Variants in CACNA2D3 observed in about 807,000 individuals in gnomAD.
CACNA2D3 encodes calcium voltage-gated channel auxiliary subunit alpha2delta 3.
CACNA2D3 carries 60 observed loss-of-function variants against 160.6 expected under a neutral mutation model. That is an observed-to-expected ratio of 0.37 (90% CI 0.30 to 0.46). CACNA2D3 has a LOEUF of 0.46. Among genes scored for constraint, CACNA2D3 ranks in the 20% least tolerant of loss-of-function variants. The pLI is 1.00. For synonymous variants in CACNA2D3, 558 were observed against 492.9 expected, an observed-to-expected ratio of 1.13 and a Z score of -1.75; for missense variants, 1,205 against 1,365.0, an observed-to-expected ratio of 0.88 and a Z score of 1.85.
intron 4 of CACNA2D3, among the ~76,000 whole-genome samples, chr3:54,409,859 T>C (rs774390124): frequency 3.3e-5 from 5 of 152,192 alleles, no homozygotes; most frequent in Non-Finnish European, 5.9e-5. Context: ...AGTTGGTTCA[T>C]GAGGCTTAAG....
chr3:54,466,128 C>G (rs189045944), intron 4 of CACNA2D3, among the ~76,000 whole-genome samples: 2 of 152,272 alleles, frequency 1.3e-5, no homozygotes, highest in African/African-American at 2.4e-5. Flanking sequence ...GGGTTCACAT[C>G]TCCGTATTTT....
chr3:54,487,636 A>C (rs1340396666), intron 4 of CACNA2D3, among the ~76,000 whole-genome samples: 1 of 152,212 alleles, frequency 6.6e-6, no homozygotes, highest in Non-Finnish European at 1.5e-5. Flanking sequence ...AGGGAGCTCA[A>C]GTTTCTAATG....
intron 3 of CACNA2D3, among the ~76,000 whole-genome samples, chr3:54,355,086 G>A (rs570766537): frequency 6.6e-6 from 1 of 152,330 alleles, no homozygotes; most frequent in East Asian, 1.9e-4. Context: ...GTGTGCTTCA[G>A]AGAATGGAAA....
At chr3:54,557,029 GT>G (rs1702252733) in intron 5 of CACNA2D3, among the ~76,000 whole-genome samples, 1 of 151,748 alleles carries the variant, frequency 6.6e-6, no homozygotes, top group Admixed American at 6.6e-5. Flanking sequence ...TATTTTTTCT[GT>G]TTTTTCTTTT....
intron 13 of CACNA2D3, among the ~76,000 whole-genome samples, chr3:54,779,598 C>A (rs765513071): frequency 2.0e-5 from 3 of 152,184 alleles, no homozygotes; most frequent in Non-Finnish European, 4.4e-5. Context: ...CTCAGAACAT[C>A]AGCTGTGCTG....
At chr3:54,750,781 T>C (rs1701841454) in intron 11 of CACNA2D3, among the ~76,000 whole-genome samples, 1 of 151,586 alleles carries the variant, frequency 6.6e-6, no homozygotes, top group Non-Finnish European at 1.5e-5. Flanking sequence ...TTTGCTTTTT[T>C]TTTTTTTGAC....
intron 2 of CACNA2D3, among the ~76,000 whole-genome samples, chr3:54,219,682 G>A (rs1172348103): frequency 1.3e-5 from 2 of 151,848 alleles, no homozygotes; most frequent in South Asian, 2.1e-4. Flanking sequence ...AAGCATTTTG[G>A]GCTTATTTCC....
intron 11 of CACNA2D3, among the ~76,000 whole-genome samples, chr3:54,643,814 G>C (rs1285364160): frequency 6.6e-6 from 1 of 152,198 alleles, no homozygotes; most frequent in Non-Finnish European, 1.5e-5. Flanking sequence ...AGTGACTGAG[G>C]GTGCTAAGAG....
At chr3:54,949,002 A>C (rs1188446396) in intron 27 of CACNA2D3, among the ~76,000 whole-genome samples, 1 of 152,176 alleles carries the variant, frequency 6.6e-6, no homozygotes. Context: ...GCTCAGCTGA[A>C]ATCACCAAGT....
At chr3:54,265,600 TATATATATA>T (rs1575353933) in intron 2 of CACNA2D3, among the ~76,000 whole-genome samples, 3 of 130,774 alleles carry the variant, frequency 2.3e-5, no homozygotes, top group East Asian at 2.3e-4. Flanking sequence ...ATATAGTGTG[TATATATATA>T]GTGTGTATAT....
intron 3 of CACNA2D3, among the ~76,000 whole-genome samples, chr3:54,379,577 TTTA>T (rs1449297836): frequency 1.3e-5 from 2 of 152,218 alleles, no homozygotes; most frequent in African/African-American, 4.8e-5. Flanking sequence ...TTCGCCTTGG[TTTA>T]TTATCTGATG....
chr3:54,998,948 A>G (rs540316544), intron 31 of CACNA2D3, among the ~76,000 whole-genome samples: 36 of 152,058 alleles, frequency 2.4e-4, no homozygotes, highest in African/African-American at 5.3e-4. Context: ...GGGTTTCACT[A>G]TTTTAGCCAG....
At chr3:54,558,981 T>C (rs557332931) in intron 5 of CACNA2D3, among the ~76,000 whole-genome samples, 1 of 151,900 alleles carries the variant, frequency 6.6e-6, no homozygotes, top group African/African-American at 2.4e-5. Context: ...GGATAGGAGG[T>C]AAAGTAAGCA....
At chr3:54,827,707 G>A (rs1703777813) in intron 14 of CACNA2D3, among the ~76,000 whole-genome samples, 1 of 152,202 alleles carries the variant, frequency 6.6e-6, no homozygotes, top group Admixed American at 6.5e-5. Context: ...ATGTGAAAGA[G>A]GGAGCACTAG....
intron 11 of CACNA2D3, among the ~76,000 whole-genome samples, chr3:54,660,879 G>C (rs886976584): frequency 6.6e-6 from 1 of 152,144 alleles, no homozygotes; most frequent in Non-Finnish European, 1.5e-5. Context: ...TGTAAAAATA[G>C]ATTTTGTTCT....
intron 2 of CACNA2D3, among the ~76,000 whole-genome samples, chr3:54,192,256 G>A (rs868332425): frequency 8.5e-5 from 13 of 152,262 alleles, no homozygotes; most frequent in Admixed American, 2.6e-4. Flanking sequence ...CACAAGTGAT[G>A]TGTTTTGACA....
chr3:55,016,932 AGTT>A (rs1318424945), intron 34 of CACNA2D3, among the ~76,000 whole-genome samples: 1 of 152,206 alleles, frequency 6.6e-6, no homozygotes, highest in African/African-American at 2.4e-5. Context: ...GTTACTCAGC[AGTT>A]GTTTTGTGTG....
intron 2 of CACNA2D3, among the ~76,000 whole-genome samples, chr3:54,303,797 C>G (rs1321584722): frequency 6.8e-6 from 1 of 148,090 alleles, no homozygotes; most frequent in Non-Finnish European, 1.5e-5. Flanking sequence ...TGCTGTCAGC[C>G]TCATCAGTGA....
In CACNA2D3 at chr3:54,869,018, A is replaced by G. The variant is rs946524649; in HGVS notation, c.1627-2521A>G. ...TTTGTAACTGACGAAGGAAGCTTGG[A>G]GTAGCTGGATACCTGGCTCAGGATC... On this transcript the variant is annotated intron_variant, in intron 17 of 37. Transcript: ENST00000474759. 5.3e-5 allele frequency among the ~76,000 whole-genome samples: 8 copies of G among 152,204 alleles called. 1 individual carries two copies. Among genetic ancestry groups the G allele is most frequent in the Non-Finnish European group, 5.9e-5 (4 of 68,044 alleles).
Sources: gnomAD v4.1 joint callset for allele counts (sites outside exome capture counted in the v4.1 genomes callset) on GRCh38, gnomAD v4.1.1 for gene constraint, MANE v1.5 for transcripts, NCBI Gene and HGNC (gene_info 2026-07-23, HGNC 2026-07-21) for gene names.